The following ZNF644 variants were observed in gnomAD, a reference collection of about 807,000 sequenced individuals.
ZNF644 encodes zinc finger protein 644.
ZNF644 carries 20 observed loss-of-function variants against 108.0 expected under a neutral mutation model. The ratio of observed to expected loss-of-function variants is 0.19; its 90% CI spans 0.13 to 0.27. The LOEUF (loss-of-function observed/expected upper bound fraction) is 0.27. ZNF644 is among the 10% of genes least tolerant of loss of function. The probability of loss-of-function intolerance (pLI) is 1.00; values close to 1 mark genes in which losing one functional copy is unlikely to be tolerated. For missense variants in ZNF644, 1,338 were observed against 1,548.9 expected (o/e 0.86, Z 2.29); for synonymous variants, 542 against 539.1 (o/e 1.01, Z -0.08).
chr1:90,989,216 T>G (rs1014418545), intron 1 of ZNF644, among the ~76,000 whole-genome samples: 1 of 152,090 alleles, frequency 6.6e-6, no homozygotes, highest in East Asian at 1.9e-4. Context: ...AGTACTTCAA[T>G]GGACAATCCT....
intron 4 of ZNF644, among the ~76,000 whole-genome samples, chr1:90,924,678 G>C (rs1649816274): frequency 6.6e-6 from 1 of 151,992 alleles, no homozygotes; most frequent in East Asian, 1.9e-4. Context: ...GCTTTTTATA[G>C]TTCTCAAGAG....
intron 2 of ZNF644, among the ~76,000 whole-genome samples, chr1:90,949,418 C>T (rs1355601266): frequency 6.6e-6 from 1 of 151,924 alleles, no homozygotes. Context: ...TCAAGATAAT[C>T]ACTATTCTAC....
At chr1:90,968,303 T>C (rs1655133994) in intron 2 of ZNF644, among the ~76,000 whole-genome samples, 1 of 152,178 alleles carries the variant, frequency 6.6e-6, no homozygotes, top group African/African-American at 2.4e-5. Context: ...CTATGAGATA[T>C]AATTTACAAT....
intron 1 of ZNF644, among the ~76,000 whole-genome samples, chr1:90,996,798 A>G (rs922835867): frequency 1.3e-5 from 2 of 152,122 alleles, no homozygotes; most frequent in Non-Finnish European, 2.9e-5. Context: ...TAAAAACAAA[A>G]ACCCAACAGC....
At chr1:91,002,247 C>G (rs1392327039) in intron 1 of ZNF644, among the ~76,000 whole-genome samples, 1 of 152,136 alleles carries the variant, frequency 6.6e-6, no homozygotes, top group Non-Finnish European at 1.5e-5. Flanking sequence ...CAGAACAAAG[C>G]TGGAGGCATC....
At chr1:90,980,376 A>G (rs1407434495) in intron 2 of ZNF644, among the ~76,000 whole-genome samples, 1 of 152,208 alleles carries the variant, frequency 6.6e-6, no homozygotes. Flanking sequence ...ATGAAACATC[A>G]TACTTAGTTT....
intron 1 of ZNF644, among the ~76,000 whole-genome samples, chr1:91,000,629 AAAGC>A (rs1658670388): frequency 6.6e-6 from 1 of 151,350 alleles, no homozygotes; most frequent in Non-Finnish European, 1.5e-5. Flanking sequence ...ATTAACCAGA[AAAGC>A]AAGAGCAAAC....
At chr1:90,950,533 A>G (rs1653034034) in intron 2 of ZNF644, among the ~76,000 whole-genome samples, 1 of 151,766 alleles carries the variant, frequency 6.6e-6, no homozygotes, top group Non-Finnish European at 1.5e-5. Context: ...ATACATTAAT[A>G]AAGTATAGAG....
chr1:90,937,335 A>G, intron 4 of ZNF644, 150 bp downstream of exon 4: 1 of 1,037,602 alleles, frequency 9.6e-7, no homozygotes, highest in Non-Finnish European at 1.4e-6. Flanking sequence ...CAGAAATGAC[A>G]GTAGAATAAC....
intron 2 of ZNF644, among the ~76,000 whole-genome samples, chr1:90,959,102 C>T (rs1654056622): frequency 6.6e-6 from 1 of 152,012 alleles, no homozygotes; most frequent in Non-Finnish European, 1.5e-5. Context: ...GAGCAAAGGA[C>T]GTGAACAGAT....
intron 2 of ZNF644, among the ~76,000 whole-genome samples, chr1:90,957,617 A>G (rs1298996311): frequency 1.3e-5 from 2 of 152,212 alleles, no homozygotes; most frequent in Non-Finnish European, 2.9e-5. Context: ...CAAATGAGTA[A>G]TAAAAGGAAA....
At chr1:90,950,314 G>GGGCAGGGGAGGGGAC (rs1652991611) in intron 2 of ZNF644, among the ~76,000 whole-genome samples, 1 of 82,388 alleles carries the variant, frequency 1.2e-5, no homozygotes, top group African/African-American at 4.8e-5. Flanking sequence ...GGGGACAAAA[G>GGGCAGGGGAGGGGAC]AAAAGAAAAC....
chr1:90,928,563 T>C (rs879665483), intron 4 of ZNF644, among the ~76,000 whole-genome samples: 2 of 152,228 alleles, frequency 1.3e-5, no homozygotes, highest in East Asian at 1.9e-4. Context: ...CCTCAGGTGA[T>C]GTGCCTGCCT....
intron 2 of ZNF644, among the ~76,000 whole-genome samples, chr1:90,980,043 C>T (rs1656390932): frequency 6.6e-6 from 1 of 152,144 alleles, no homozygotes. Context: ...ATGCCCCCAT[C>T]CCATTCCAGC....
intron 4 of ZNF644, among the ~76,000 whole-genome samples, chr1:90,920,807 A>C (rs551770214): frequency 3.0e-4 from 46 of 152,234 alleles, no homozygotes; most frequent in African/African-American, 1.1e-3. Flanking sequence ...ACTTATTCAC[A>C]AAGTTAAAAT....
intron 1 of ZNF644, among the ~76,000 whole-genome samples, chr1:90,985,246 C>T (rs1656980143): frequency 6.6e-6 from 1 of 152,122 alleles, no homozygotes; most frequent in Admixed American, 6.6e-5. Context: ...TTGACATATG[C>T]TTACATAGTA....
At chr1:90,998,705 C>T (rs1658435321) in intron 1 of ZNF644, among the ~76,000 whole-genome samples, 1 of 152,210 alleles carries the variant, frequency 6.6e-6, no homozygotes, top group Non-Finnish European at 1.5e-5. Context: ...CAGAGAATGA[C>T]TTTGACGAGT....
At chr1:90,970,315 A>C (rs1019278382) in intron 2 of ZNF644, among the ~76,000 whole-genome samples, 4 of 152,182 alleles carry the variant, frequency 2.6e-5, no homozygotes, top group Non-Finnish European at 5.9e-5. Flanking sequence ...ATTGCTAACT[A>C]TCCTTTCTTG....
chr1:91,009,555 C>A (rs1048810436), intron 1 of ZNF644, among the ~76,000 whole-genome samples: 1 of 152,046 alleles, frequency 6.6e-6, no homozygotes, highest in African/African-American at 2.4e-5. Flanking sequence ...AATATGTAGT[C>A]CACATTGTTA....
Sources: gnomAD v4.1 joint callset for allele counts (sites outside exome capture counted in the v4.1 genomes callset) on GRCh38, gnomAD v4.1.1 for gene constraint, MANE v1.5 for transcripts, NCBI Gene and HGNC (gene_info 2026-07-23, HGNC 2026-07-21) for gene names.